Variants in ERBB4 observed in about 807,000 individuals in gnomAD.
The protein encoded by ERBB4 is receptor tyrosine-protein kinase erbB-4.
In ERBB4, 42 loss-of-function variants were observed where a neutral mutation model predicts 158.0. That is an observed-to-expected ratio of 0.27 (90% CI 0.21 to 0.34). The LOEUF is 0.34. Ranked by LOEUF, ERBB4 falls within the 10% of genes least tolerant of loss-of-function variation. ERBB4 has a pLI of 1.00. For missense variants in ERBB4, 1,333 were observed against 1,624.1 expected, an observed-to-expected ratio of 0.82 and a Z score of 3.08; for synonymous variants, 583 against 558.7, an observed-to-expected ratio of 1.04 and a Z score of -0.61.
chr2:211,993,974 TC>T (rs140195212), intron 2 of ERBB4, among the ~76,000 whole-genome samples: 13,216 of 151,922 alleles, frequency 0.087, 760 homozygotes, highest in Non-Finnish European at 0.13. Flanking sequence ...TAGTGTCTTT[TC>T]CCATATATTA....
chr2:212,498,958 T>C (rs569485421), intron 1 of ERBB4, among the ~76,000 whole-genome samples: 1 of 152,144 alleles, frequency 6.6e-6, no homozygotes, highest in South Asian at 2.1e-4. Flanking sequence ...TCTGAGTAAG[T>C]CAATAAATCC....
At chr2:212,120,632 C>A (rs939346453) in intron 2 of ERBB4, among the ~76,000 whole-genome samples, 2 of 152,112 alleles carry the variant, frequency 1.3e-5, no homozygotes, top group Non-Finnish European at 1.5e-5. Flanking sequence ...CAAAACACTA[C>A]GACCTCACTA....
intron 6 of ERBB4, 67 bp downstream of exon 6, chr2:211,725,009 G>C (rs2074220611): frequency 1.7e-6 from 2 of 1,161,166 alleles, no homozygotes; most frequent in African/African-American, 3.0e-5. Flanking sequence ...CAAAGATTCA[G>C]TATGCCTGAA....
intron 20 of ERBB4, among the ~76,000 whole-genome samples, chr2:211,524,202 C>A (rs185357608): frequency 1.3e-5 from 2 of 152,202 alleles, no homozygotes; most frequent in Non-Finnish European, 2.9e-5. Context: ...TCGATTGGTG[C>A]ATTCACAGAC....
At position 211,527,125 on chromosome 2, in the gene ERBB4, A is replaced by G. The variant is rs572764065; in HGVS notation, c.2487+34778T>C. On this transcript the variant is annotated intron_variant, in intron 20 of 27. Transcript: ENST00000342788. ...AGAACACTAACCAGATTTAACCCAAAGAAGACTACCTCAAGGCATTTGATA... is the reference window on the plus strand; with the variant it reads ...AGAACACTAACCAGATTTAACCCAAGGAAGACTACCTCAAGGCATTTGATA... Among the ~76,000 whole-genome samples, 41 of 152,248 alleles carry G rather than the reference A, an allele frequency of 2.7e-4. 1 individual carries two copies. In the South Asian group the frequency reaches 7.4e-3, roughly 28 times the overall value.
intron 3 of ERBB4, among the ~76,000 whole-genome samples, chr2:211,848,503 T>C (rs1225701380): frequency 1.3e-5 from 2 of 152,072 alleles, no homozygotes; most frequent in Admixed American, 6.6e-5. Flanking sequence ...ACTGACCACC[T>C]GACTTAGGGA....
intron 1 of ERBB4, among the ~76,000 whole-genome samples, chr2:212,393,189 G>A (rs2090928847): frequency 6.6e-6 from 1 of 151,966 alleles, no homozygotes; most frequent in Admixed American, 6.6e-5. Context: ...ACAAACTAAA[G>A]TGTCTTTGGG....
intron 13 of ERBB4, among the ~76,000 whole-genome samples, chr2:211,677,304 C>A (rs1276471352): frequency 6.6e-6 from 1 of 152,120 alleles, no homozygotes; most frequent in Non-Finnish European, 1.5e-5. Context: ...GTGGCTCATA[C>A]CTGTAATCCC....
At chr2:212,170,742 G>A (rs1211876500) in intron 1 of ERBB4, among the ~76,000 whole-genome samples, 1 of 152,150 alleles carries the variant, frequency 6.6e-6, no homozygotes, top group African/African-American at 2.4e-5. Context: ...ACATGGTGTT[G>A]GGTCTGCAGG....
chr2:212,191,650 C>CGTT lies in ERBB4; in HGVS notation c.83-66748_83-66747insAAC. 2.2e-4 allele frequency among the ~76,000 whole-genome samples: 22 copies of CGTT among 102,078 alleles called. 1 individual carries two copies. Among genetic ancestry groups the CGTT allele is most frequent in the Non-Finnish European group, 3.9e-4 (17 of 43,518 alleles). The allele number at this position is 102,078 out of a possible 152,430, so 67.0% of individuals were successfully genotyped here. On this transcript the variant is annotated intron_variant, in intron 1 of 27. Transcript: ENST00000342788. ...TGTGTTATGCATGCTATATATAACA[C>CGTT]ATGCGTTATACATGTCATATATCGC... is the stretch of plus-strand genomic sequence containing the variant.
chr2:211,471,299 C>G (rs1404435289), intron 20 of ERBB4, among the ~76,000 whole-genome samples: 1 of 152,116 alleles, frequency 6.6e-6, no homozygotes, highest in East Asian at 1.9e-4. Flanking sequence ...AAACCATGAG[C>G]CAAGCCTTTC....
chr2:212,293,637 C>T (rs2086288433), intron 1 of ERBB4, among the ~76,000 whole-genome samples: 1 of 151,856 alleles, frequency 6.6e-6, no homozygotes. Flanking sequence ...TGCTTAAGGC[C>T]AGGAGATCAA....
chr2:212,362,269 A>G (rs1560114921), intron 1 of ERBB4, among the ~76,000 whole-genome samples: 1 of 151,474 alleles, frequency 6.6e-6, no homozygotes, highest in Non-Finnish European at 1.5e-5. Context: ...TTGTAACTCA[A>G]TGGAATGGAG....
rs1247964694 is a variant in ERBB4 at position 211,772,862 on chromosome 2, T to C, written c.556+15163A>G. ...ACATATATATATATATATATATATA[T>C]ATATATACACATATATATATATACA... On this transcript the variant is annotated intron_variant, in intron 4 of 27. Transcript: ENST00000342788. 5.2e-4 allele frequency among the ~76,000 whole-genome samples: 36 copies of C among 69,508 alleles called. 3 individuals carry two copies. In the South Asian group the frequency reaches 9.0e-3, roughly 17 times the overall value. The allele number at this position is 69,508 out of a possible 152,430, so 45.6% of individuals were successfully genotyped here. A position where few individuals can be genotyped will look rare whatever the true frequency, so the allele number is the denominator to read the frequency against.
intron 3 of ERBB4, among the ~76,000 whole-genome samples, chr2:211,806,060 G>T (rs2076605937): frequency 6.6e-6 from 1 of 152,036 alleles, no homozygotes; most frequent in African/African-American, 2.4e-5. Flanking sequence ...TCAATAAATT[G>T]AGGCAAATAA....
intron 1 of ERBB4, among the ~76,000 whole-genome samples, chr2:212,289,572 C>T (rs2086128652): frequency 6.6e-6 from 1 of 151,978 alleles, no homozygotes; most frequent in Non-Finnish European, 1.5e-5. Flanking sequence ...TAACATAGTA[C>T]CTGAATGAGA....
chr2:212,107,227 C>T lies in ERBB4; in HGVS notation c.234+17525G>A, dbSNP rs568909379. Among the ~76,000 whole-genome samples the T allele has an allele frequency of 3.9e-5, 6 of 152,346 alleles. No individual in the cohort carries two copies. In the South Asian group the frequency reaches 1.2e-3, roughly 32 times the overall value. ...AGGTGGGAGGCTGGACCCTGCAAAG[C>T]CACGGGGGCAGAGCTGCCCAAGATG... On this transcript the variant is annotated intron_variant, in intron 2 of 27. Transcript: ENST00000342788.
intron 2 of ERBB4, among the ~76,000 whole-genome samples, chr2:211,996,795 G>A (rs768733325): frequency 1.2e-4 from 19 of 152,146 alleles, no homozygotes; most frequent in Non-Finnish European, 2.1e-4. Flanking sequence ...CAATGAGTAA[G>A]AGAAACATCT....
chr2:211,911,624 T>C (rs931324325), intron 3 of ERBB4, among the ~76,000 whole-genome samples: 1 of 152,164 alleles, frequency 6.6e-6, no homozygotes, highest in Non-Finnish European at 1.5e-5. Flanking sequence ...GCAATATTTG[T>C]TCAAATGACT....
Sources: gnomAD v4.1 joint callset for allele counts (sites outside exome capture counted in the v4.1 genomes callset) on GRCh38, gnomAD v4.1.1 for gene constraint, MANE v1.5 for transcripts, NCBI Gene and HGNC (gene_info 2026-07-23, HGNC 2026-07-21) for gene names.